LRRC28: variants seen among roughly 807,000 people sequenced by gnomAD.
LRRC28 encodes leucine rich repeat containing 28.
Under a neutral mutation model 45.7 loss-of-function variants are expected in LRRC28, and 39 were observed. The ratio of observed to expected loss-of-function variants is 0.85; its 90% CI spans 0.66 to 1.12. The LOEUF (loss-of-function observed/expected upper bound fraction) is 1.12. Ranked by LOEUF, LRRC28 falls within the 50% of genes most tolerant of loss-of-function variation. The pLI is 0.00. For missense variants in LRRC28, 435 were observed against 438.5 expected (o/e 0.99, Z 0.07); for synonymous variants, 206 against 178.8 (o/e 1.15, Z -1.22).
At chr15:99,337,378 A>T (rs542287194) in intron 6 of LRRC28, among the ~76,000 whole-genome samples, 1 of 152,210 alleles carries the variant, frequency 6.6e-6, no homozygotes, top group African/African-American at 2.4e-5. Flanking sequence ...GGTGATAGAA[A>T]TGGTTGTTGG....
At chr15:99,381,419 A>G (rs1373112387) in intron 9 of LRRC28, among the ~76,000 whole-genome samples, 1 of 152,154 alleles carries the variant, frequency 6.6e-6, no homozygotes, top group Non-Finnish European at 1.5e-5. Context: ...TGGTTATTCT[A>G]GTTAGCCATT....
At chr15:99,351,245 G>A (rs2152315145) in intron 6 of LRRC28, among the ~76,000 whole-genome samples, 1 of 152,264 alleles carries the variant, frequency 6.6e-6, no homozygotes, top group East Asian at 1.9e-4. Flanking sequence ...GGACATTCCT[G>A]GGCACATGGG....
rs202052608 is a variant in LRRC28, at chr15:99,276,559, G to A, written c.169-17G>A. The A allele has an allele frequency of 6.4e-4, 991 of 1,545,924 alleles. 3 individuals carry two copies. Among genetic ancestry groups the A allele is most frequent in the Non-Finnish European group, 7.9e-4 (908 of 1,152,678 alleles). Reference sequence around the variant, plus strand: ...TTTTTCAAAAATAAAATTTAATTCTGAGTTTTTAATTTTCAGCCAGAAAAC... The same window carrying A: ...TTTTTCAAAAATAAAATTTAATTCTAAGTTTTTAATTTTCAGCCAGAAAAC... On this transcript the variant is annotated splice_polypyrimidine_tract_variant and intron_variant, in intron 2 of 9. Coordinates refer to ENST00000301981, the MANE Select transcript of LRRC28 (RefSeq NM_144598.5).
At chr15:99,341,265 A>G (rs1350595704) in intron 6 of LRRC28, among the ~76,000 whole-genome samples, 1 of 151,518 alleles carries the variant, frequency 6.6e-6, no homozygotes, top group African/African-American at 2.4e-5. Context: ...TAATTTTTGT[A>G]TTTTTAATAG....
chr15:99,271,142 T>C (rs987495983), intron 2 of LRRC28, among the ~76,000 whole-genome samples: 2 of 152,218 alleles, frequency 1.3e-5, no homozygotes, highest in African/African-American at 4.8e-5. Flanking sequence ...GTAAGGGTTC[T>C]TTTTATAGTC....
intron 7 of LRRC28, among the ~76,000 whole-genome samples, chr15:99,357,434 G>T (rs1957077988): frequency 6.6e-6 from 1 of 152,200 alleles, no homozygotes; most frequent in Admixed American, 6.5e-5. Context: ...AGTACACAAA[G>T]CAACATGGAT....
intron 5 of LRRC28, among the ~76,000 whole-genome samples, chr15:99,298,899 G>GT (rs752857948): frequency 3.3e-5 from 5 of 152,108 alleles, no homozygotes; most frequent in Non-Finnish European, 7.4e-5. Context: ...AGTAGAGATG[G>GT]TGTTTCACCA....
chr15:99,362,974 T>C (rs182368338), intron 8 of LRRC28, 132 bp from the exon 9 acceptor site: 1 of 990,908 alleles, frequency 1.0e-6, no homozygotes, highest in East Asian at 2.5e-5. Context: ...TGTGTATCAA[T>C]CAGATAACAG....
At chr15:99,253,991 G>A (rs2080943239) in intron 1 of LRRC28, among the ~76,000 whole-genome samples, 2 of 152,234 alleles carry the variant, frequency 1.3e-5, no homozygotes, top group African/African-American at 4.8e-5. Context: ...GGGAAAAACT[G>A]TGGAGATTCG....
chr15:99,258,719 C>A (rs1406939397), intron 2 of LRRC28: 4 of 709,954 alleles, frequency 5.6e-6, no homozygotes, highest in Non-Finnish European at 1.1e-5. Flanking sequence ...AAGTGATGAC[C>A]CTGTGGCTTG....
intron 7 of LRRC28, among the ~76,000 whole-genome samples, chr15:99,352,992 A>G (rs1956933322): frequency 6.6e-6 from 1 of 152,244 alleles, no homozygotes; most frequent in African/African-American, 2.4e-5. Context: ...AAAATAAATC[A>G]TGATTCTAGC....
At chr15:99,305,007 A>G (rs1009967959) in intron 5 of LRRC28, among the ~76,000 whole-genome samples, 2 of 152,130 alleles carry the variant, frequency 1.3e-5, no homozygotes, top group African/African-American at 4.8e-5. Flanking sequence ...GCCCACCCCA[A>G]TCTTGTGGAC....
chr15:99,361,586 G>A lies in LRRC28; in HGVS notation c.871+75G>A, dbSNP rs760939135. On this transcript the variant is annotated intron_variant, in intron 8 of 9. Transcript: ENST00000301981. ...TTGTGCTTGGTGCACCTGTTTTGGC[G>A]TTCATCTTTAAAAAAAAAATTATTG... 1.1e-5 allele frequency: 16 copies of A among 1,406,708 alleles called. No homozygotes were observed. In the Admixed American group the frequency reaches 1.6e-4, roughly 14 times the overall value. The allele number at this position is 1,406,708 out of a possible 1,614,324, so 87.1% of individuals were successfully genotyped here. A position where few individuals can be genotyped will look rare whatever the true frequency, so the allele number is the denominator to read the frequency against.
intron 5 of LRRC28, among the ~76,000 whole-genome samples, chr15:99,290,082 A>G (rs564463640): frequency 6.6e-6 from 1 of 151,824 alleles, no homozygotes; most frequent in Non-Finnish European, 1.5e-5. Flanking sequence ...ACATGGTGAA[A>G]CCCCATCTCT....
At chr15:99,385,960 T>C in intron 9 of LRRC28, 70 bp from the exon 10 acceptor site, 1 of 1,411,074 alleles carries the variant, frequency 7.1e-7, no homozygotes, top group Non-Finnish European at 1.0e-6. Flanking sequence ...GAAAAAAGTT[T>C]CCAGCAGAAA....
intron 2 of LRRC28, chr15:99,259,460 G>T: frequency 8.1e-7 from 1 of 1,229,228 alleles, no homozygotes; most frequent in Non-Finnish European, 1.2e-6. Context: ...GAAAGAATTT[G>T]AGCCTCTGCC....
chr15:99,264,924 C>T (rs2081292995), intron 2 of LRRC28, among the ~76,000 whole-genome samples: 1 of 152,120 alleles, frequency 6.6e-6, no homozygotes, highest in South Asian at 2.1e-4. Context: ...ATCCTTTCCT[C>T]CTTTGTAAAA....
chr15:99,373,680 T>C (rs529208627), intron 9 of LRRC28, among the ~76,000 whole-genome samples: 2 of 152,286 alleles, frequency 1.3e-5, no homozygotes, highest in African/African-American at 4.8e-5. Context: ...TTTTTAAAAT[T>C]AGAGGTAATG....
chr15:99,315,710 G>T (rs1403186012), intron 5 of LRRC28, among the ~76,000 whole-genome samples: 1 of 152,082 alleles, frequency 6.6e-6, no homozygotes, highest in Non-Finnish European at 1.5e-5. Flanking sequence ...CTACTCTGTG[G>T]CCCCAATTTT....
Sources: allele counts gnomAD v4.1 joint callset (sites outside exome capture counted in the v4.1 genomes callset), GRCh38; gene constraint gnomAD v4.1.1; transcripts MANE v1.5; gene names NCBI Gene and HGNC (gene_info 2026-07-23, HGNC 2026-07-21).